ATP11B: variants seen among roughly 807,000 people sequenced by gnomAD.
ATP11B encodes the protein ATPase phospholipid transporting 11B (putative).
In ATP11B, 81 loss-of-function variants were observed where a neutral mutation model predicts 157.8. The observed-to-expected ratio is 0.51, with a 90% CI of 0.43 to 0.62. The LOEUF (loss-of-function observed/expected upper bound fraction) is 0.62, where lower values mean the gene tolerates loss of function less well. Among genes scored for constraint, ATP11B ranks in the 20% least tolerant of loss-of-function variants. ATP11B has a pLI of 0.00. For missense variants in ATP11B, 1,165 were observed against 1,402.2 expected (o/e 0.83, Z 2.70); for synonymous variants, 451 against 469.4 (o/e 0.96, Z 0.51).
At chr3:182,846,877 T>C (rs1368050867) in intron 9 of ATP11B, among the ~76,000 whole-genome samples, 3 of 152,084 alleles carry the variant, frequency 2.0e-5, no homozygotes, top group African/African-American at 7.2e-5. Context: ...TTGGGGGTGA[T>C]GAAAATTCAA....
chr3:182,878,091 G>A (rs1437685153), intron 19 of ATP11B, among the ~76,000 whole-genome samples: 1 of 152,148 alleles, frequency 6.6e-6, no homozygotes, highest in Non-Finnish European at 1.5e-5. Flanking sequence ...GTCTATATAG[G>A]TGTTGATTTC....
chr3:182,887,881 A>C (rs1418986987), intron 24 of ATP11B, among the ~76,000 whole-genome samples, 168 bp downstream of exon 24: 1 of 152,204 alleles, frequency 6.6e-6, no homozygotes, highest in Non-Finnish European at 1.5e-5. Context: ...CAAAGAGAAA[A>C]TTGGAATAAT....
chr3:182,857,294 C>T (rs746977503), intron 10 of ATP11B, among the ~76,000 whole-genome samples: 23 of 152,078 alleles, frequency 1.5e-4, no homozygotes, highest in Non-Finnish European at 2.8e-4. Flanking sequence ...TACAGGCGCC[C>T]GTCACCACGC....
chr3:182,816,154 A>G (rs1716958470), intron 1 of ATP11B, among the ~76,000 whole-genome samples: 2 of 152,188 alleles, frequency 1.3e-5, no homozygotes, highest in African/African-American at 4.8e-5. Flanking sequence ...GTAAGAAAAA[A>G]AAAGGGATTT....
chr3:182,907,082 G>A (rs1283806881), intron 28 of ATP11B, among the ~76,000 whole-genome samples: 1 of 140,038 alleles, frequency 7.1e-6, no homozygotes, highest in Non-Finnish European at 1.5e-5. Context: ...GACAGAGTGA[G>A]ACTCCGTCTC....
chr3:182,852,456 T>C (rs760679356), intron 10 of ATP11B, among the ~76,000 whole-genome samples: 12 of 152,236 alleles, frequency 7.9e-5, no homozygotes, highest in Non-Finnish European at 1.6e-4. Context: ...GAACAACTTT[T>C]TGTCACTGAC....
intron 1 of ATP11B, among the ~76,000 whole-genome samples, chr3:182,798,728 G>A (rs1305324195): frequency 1.3e-5 from 2 of 152,224 alleles, no homozygotes; most frequent in African/African-American, 2.4e-5. Context: ...GTAGGCACTT[G>A]AAGTGTGTCT....
intron 17 of ATP11B, among the ~76,000 whole-genome samples, 173 bp from the exon 18 acceptor site, chr3:182,872,183 A>C (rs1172253981): frequency 6.6e-6 from 1 of 152,244 alleles, no homozygotes; most frequent in Non-Finnish European, 1.5e-5. Context: ...AACTCAGATC[A>C]GTAGAGCTTT....
At position 182,920,544 on chromosome 3, in the gene ATP11B, AC is replaced by A. The variant is rs1376675365; in HGVS notation, c.*2443del. 2 of 152,292 alleles carry A rather than the reference AC, an allele frequency of 1.3e-5. No homozygotes were observed. Among genetic ancestry groups the A allele is most frequent in the African/African-American group, 4.8e-5 (2 of 41,564 alleles). 9.4% of individuals were successfully genotyped at this position (152,292 alleles called of 1,614,324 possible). ...AAAGTATGATGTTGATAATTAACTT[AC>A]CCTTATCTGCCAAAACCAGAGCAAA... On this transcript the variant is annotated 3_prime_UTR_variant, in exon 30 of 30. Transcript: ENST00000323116.
rs573795495 is a variant in ATP11B, at chr3:182,863,346, G to A, written c.1201-2110G>A. Among the ~76,000 whole-genome samples, 4 of 152,032 alleles carry A rather than the reference G, an allele frequency of 2.6e-5. No individual in the cohort carries two copies. The South Asian group carries it at 6.2e-4, about 24-fold the overall frequency. On this transcript the variant is annotated intron_variant, in intron 12 of 29. Coordinates refer to ENST00000323116, the MANE Select transcript of ATP11B (RefSeq NM_014616.3). ...TTTTCTGAATAAATTTTTCCAATCT[G>A]CCTTTGACCTTTCTTTCTCAACTCT...
At chr3:182,833,166 A>G (rs1303150094) in intron 4 of ATP11B, among the ~76,000 whole-genome samples, 2 of 152,206 alleles carry the variant, frequency 1.3e-5, no homozygotes, top group Non-Finnish European at 2.9e-5. Flanking sequence ...ATGAAATTTT[A>G]TCTCATTTTC....
At chr3:182,869,503 A>G (rs925752928) in intron 17 of ATP11B, among the ~76,000 whole-genome samples, 172 bp downstream of exon 17, 6 of 152,238 alleles carry the variant, frequency 3.9e-5, no homozygotes, top group Non-Finnish European at 5.9e-5. Context: ...AAGCAAAAAT[A>G]TATCTTCTCT....
chr3:182,905,858 A>T (rs1157278820), intron 28 of ATP11B: 1 of 456,700 alleles, frequency 2.2e-6, no homozygotes, highest in East Asian at 6.9e-5. Context: ...CACAGAGGGG[A>T]GGACAGTAGG....
At chr3:182,840,653 C>T (rs1334527824) in intron 7 of ATP11B, among the ~76,000 whole-genome samples, 1 of 152,166 alleles carries the variant, frequency 6.6e-6, no homozygotes, top group African/African-American at 2.4e-5. Context: ...GGCCAGAAAC[C>T]TTGGAATCAG....
Position 182,842,092 on chromosome 3 carries a change from T to A in ATP11B, c.674T>A (p.Ile225Asn). Residue 225 changes from isoleucine to asparagine, a missense_variant, in exon 8 of 30, where the codon ATC becomes AAC. Physicochemically the swap from Ile to Asn is moderately radical, Grantham distance 149. This residue lies in a region of ATP11B where 737 missense variants were observed against 930.5 expected (regional missense o/e 0.79). Transcript: ENST00000323116. The stretch of plus-strand genomic sequence containing the variant: ...TTTGATAGATTCATGGGACGAATGA[T>A]CATAACCCAACAAATGGAAGAAATT... ...ADLYRFMGRM[I>N]ITQQMEEIVR... 6.2e-7 allele frequency: 1 copy of A among 1,605,594 alleles called. No individual in the cohort carries two copies. The highest frequency in any genetic ancestry group is 8.5e-7 in the Non-Finnish European group (1 of 1,173,060).
intron 10 of ATP11B, among the ~76,000 whole-genome samples, chr3:182,850,606 AGAAAAGAAAACTCTTATAC>A (rs1477015700): frequency 6.6e-6 from 1 of 152,250 alleles, no homozygotes; most frequent in African/African-American, 2.4e-5. Context: ...AGGGATATGG[AGAAAAGAAAACTCTTATAC>A]GTGGTTGGTG....
In ATP11B at chr3:182,872,670, G is replaced by A. The variant is rs545971007; in HGVS notation, c.2048+133G>A. 1.6e-5 allele frequency: 13 copies of A among 822,942 alleles called. No individual in the cohort carries two copies. The East Asian group carries it at 3.3e-4, about 21-fold the overall frequency. 51.0% of individuals were successfully genotyped at this position (822,942 alleles called of 1,614,324 possible). On this transcript the variant is annotated intron_variant, in intron 18 of 29. Transcript: ENST00000323116. ...TTTAAGATCAAAGTAGAGAACTAAA[G>A]CCTTAATTTTTCCCGGTCAGTATGT...
intron 1 of ATP11B, among the ~76,000 whole-genome samples, chr3:182,807,324 T>G (rs2108487990): frequency 6.6e-6 from 1 of 152,186 alleles, no homozygotes; most frequent in East Asian, 1.9e-4. Flanking sequence ...GAGATGGTGG[T>G]GACAAGTTTG....
intron 19 of ATP11B, among the ~76,000 whole-genome samples, chr3:182,876,877 A>T (rs565876338): frequency 6.6e-6 from 1 of 152,340 alleles, no homozygotes; most frequent in African/African-American, 2.4e-5. Context: ...TGTGAAATTT[A>T]TGTTATATTT....
Sources: allele counts gnomAD v4.1 joint callset (sites outside exome capture counted in the v4.1 genomes callset), GRCh38; gene constraint gnomAD v4.1.1; regional missense constraint gnomAD v4.1.1; transcripts MANE v1.5; gene names NCBI Gene and HGNC (gene_info 2026-07-23, HGNC 2026-07-21).